The following RYR3 variants were observed in gnomAD, a reference collection of about 807,000 sequenced individuals.
RYR3 encodes the protein ryanodine receptor 3.
Under a neutral mutation model 584.3 loss-of-function variants are expected in RYR3, and 207 were observed. That is an observed-to-expected ratio of 0.35 (90% CI 0.32 to 0.40). RYR3 has a LOEUF of 0.40. Among genes scored for constraint, RYR3 ranks in the 10% least tolerant of loss-of-function variants. RYR3 has a pLI of 1.00. For missense variants in RYR3, 5,616 were observed against 6,089.2 expected (o/e 0.92, Z 2.59); for synonymous variants, 2,416 against 2,248.5 (o/e 1.07, Z -2.11).
chr15:33,514,105 G>A (rs1450955718), intron 3 of RYR3, among the ~76,000 whole-genome samples: 1 of 152,124 alleles, frequency 6.6e-6, no homozygotes, highest in African/African-American at 2.4e-5. Context: ...CAATTCCCTT[G>A]CTGGTTGTGG....
Position 33,654,312 on chromosome 15 carries a change from C to T in RYR3, c.4308+1429C>T, listed in dbSNP as rs545966147. Among the ~76,000 whole-genome samples the T allele has an allele frequency of 3.3e-5, 5 of 151,994 alleles. No homozygotes were observed. In the South Asian group the frequency reaches 8.3e-4, roughly 25 times the overall value. ...GACAGATCATTTGAGCTCAGGAGTT[C>T]GAGACCAGCCTGGGCAACATGGTGG... On this transcript the variant is annotated intron_variant, in intron 32 of 103. Transcript: ENST00000634891.
At position 33,581,549 on chromosome 15, in the gene RYR3, T is replaced by C. The variant is rs1292297409; in HGVS notation, c.1479T>C (p.Asn493=). 2 of 1,613,696 alleles carry C rather than the reference T, an allele frequency of 1.2e-6. No individual in the cohort carries two copies. Among genetic ancestry groups the C allele is most frequent in the Admixed American group, 3.3e-5 (2 of 60,024 alleles). ...TCTTAAATTGCATTGACCGCTTAAA[T>C]GTCTACAATAGCGTAGCACACTTTG... The part of the protein sequence containing the change: ...ALVLNCIDRL[N]VYNSVAHFAG... The change falls in exon 14 of 104, where the codon AAT becomes AAC. Residue 493 remains asparagine (N), a synonymous_variant. Transcript: ENST00000634891.
intron 3 of RYR3, among the ~76,000 whole-genome samples, chr15:33,522,657 A>C (rs1343413571): frequency 6.6e-6 from 1 of 152,208 alleles, no homozygotes. Context: ...TTGAGGATTT[A>C]ACTATCTGAT....
At chr15:33,512,805 A>T (rs984816513) in intron 3 of RYR3, among the ~76,000 whole-genome samples, 1 of 152,210 alleles carries the variant, frequency 6.6e-6, no homozygotes, top group African/African-American at 2.4e-5. Context: ...AATTGCAAAA[A>T]AATGTAAACA....
At chr15:33,685,149 G>A (rs752452737) in intron 38 of RYR3, among the ~76,000 whole-genome samples, 1 of 152,138 alleles carries the variant, frequency 6.6e-6, no homozygotes, top group Admixed American at 6.5e-5. Context: ...ATCTAGACTG[G>A]CAAATTGGAT....
intron 58 of RYR3, among the ~76,000 whole-genome samples, chr15:33,755,636 C>T (rs553850128): frequency 2.6e-5 from 4 of 152,018 alleles, no homozygotes; most frequent in Non-Finnish European, 5.9e-5. Flanking sequence ...AACAAACAAA[C>T]AAAAACTCCT....
chr15:33,686,574 T>C (rs1005540092), intron 38 of RYR3, among the ~76,000 whole-genome samples: 1 of 152,190 alleles, frequency 6.6e-6, no homozygotes, highest in African/African-American at 2.4e-5. Context: ...TTACTCATTT[T>C]ATGAGGCCAG....
intron 1 of RYR3, among the ~76,000 whole-genome samples, chr15:33,322,302 C>T (rs1347727374): frequency 6.6e-6 from 1 of 152,112 alleles, no homozygotes; most frequent in East Asian, 1.9e-4. Flanking sequence ...AGCTTTTCGG[C>T]ATAGTGAAAA....
chr15:33,324,867 G>A (rs1969474635), intron 1 of RYR3, among the ~76,000 whole-genome samples: 1 of 152,100 alleles, frequency 6.6e-6, no homozygotes, highest in African/African-American at 2.4e-5. Context: ...GATCCACTGG[G>A]GATCTGGGGA....
At chr15:33,355,964 A>G (rs560627451) in intron 1 of RYR3, among the ~76,000 whole-genome samples, 9 of 152,318 alleles carry the variant, frequency 5.9e-5, no homozygotes, top group Admixed American at 5.2e-4. Flanking sequence ...CCTGTAGTAG[A>G]TACTGTGAGA....
intron 36 of RYR3, among the ~76,000 whole-genome samples, chr15:33,668,320 A>AAAAC (rs374725806): frequency 4.6e-5 from 7 of 152,224 alleles, no homozygotes; most frequent in East Asian, 1.9e-4. Context: ...CTGTCTCAAA[A>AAAAC]AAACAAACAA....
At chr15:33,431,491 A>G (rs1445876837) in intron 1 of RYR3, among the ~76,000 whole-genome samples, 2 of 152,206 alleles carry the variant, frequency 1.3e-5, no homozygotes, top group African/African-American at 4.8e-5. Context: ...GGCTGGGCAC[A>G]GTGGCTCACA....
intron 67 of RYR3, among the ~76,000 whole-genome samples, chr15:33,794,348 A>ACATATATAACATATATATATGTAT (rs369625654): frequency 2.1e-4 from 12 of 58,322 alleles, no homozygotes; most frequent in South Asian, 1.2e-3. Flanking sequence ...TATATATAAA[A>ACATATATAACATATATATATGTAT]ATATATATAT....
intron 2 of RYR3, among the ~76,000 whole-genome samples, chr15:33,501,602 A>G (rs1057139310): frequency 6.6e-6 from 1 of 152,188 alleles, no homozygotes; most frequent in Admixed American, 6.5e-5. Flanking sequence ...TATGGCTTTT[A>G]TGCTTCCTGT....
intron 66 of RYR3, 81 bp downstream of exon 66, chr15:33,786,063 A>G (rs1346823275): frequency 1.6e-6 from 2 of 1,244,728 alleles, no homozygotes; most frequent in South Asian, 1.5e-5. Context: ...ATTAATTCCA[A>G]GATGGTTTTG....
intron 85 of RYR3, among the ~76,000 whole-genome samples, chr15:33,829,479 T>G (rs1418162946): frequency 6.6e-6 from 1 of 152,110 alleles, no homozygotes; most frequent in Non-Finnish European, 1.5e-5. Context: ...CCAGGCCCAG[T>G]GGCTCGCATC....
chr15:33,842,678 A>C (rs578220266), intron 91 of RYR3, among the ~76,000 whole-genome samples: 1 of 152,158 alleles, frequency 6.6e-6, no homozygotes, highest in African/African-American at 2.4e-5. Flanking sequence ...GCTGTTCCCA[A>C]CAAGGGAGAA....
chr15:33,327,729 C>T (rs757199523), intron 1 of RYR3, among the ~76,000 whole-genome samples: 9 of 152,136 alleles, frequency 5.9e-5, no homozygotes, highest in Non-Finnish European at 1.2e-4. Context: ...TTCCTTCCTT[C>T]CTCCCCATCT....
intron 3 of RYR3, among the ~76,000 whole-genome samples, chr15:33,529,222 TCTGTAG>T (rs1182132269): frequency 6.6e-6 from 1 of 152,218 alleles, no homozygotes; most frequent in Non-Finnish European, 1.5e-5. Context: ...TTAAATAATC[TCTGTAG>T]CTGTGGGAAA....
Sources: allele counts gnomAD v4.1 joint callset (sites outside exome capture counted in the v4.1 genomes callset), GRCh38; gene constraint gnomAD v4.1.1; transcripts MANE v1.5; gene names NCBI Gene and HGNC (gene_info 2026-07-23, HGNC 2026-07-21).